Variants in TPRG1L observed in about 807,000 individuals in gnomAD.
TPRG1L encodes the protein tumor protein p63-regulated gene 1-like protein.
Under a neutral mutation model 29.4 loss-of-function variants are expected in TPRG1L, and 25 were observed. That is an observed-to-expected ratio of 0.85 (90% CI 0.62 to 1.19). TPRG1L has a LOEUF of 1.19. Among genes scored for constraint, TPRG1L ranks in the 50% most tolerant of loss-of-function variants. TPRG1L has a pLI of 0.00. For missense variants in TPRG1L, 354 were observed against 364.4 expected (o/e 0.97, Z 0.23); for synonymous variants, 182 against 151.1 (o/e 1.20, Z -1.50).
intron 4 of TPRG1L, 31 bp downstream of exon 4, chr1:3,627,684 C>G (rs370492915): frequency 1.2e-6 from 2 of 1,610,862 alleles, no homozygotes; most frequent in South Asian, 2.2e-5. Flanking sequence ...ATAGCCGCGC[C>G]CCCCGCAGTG....
In TPRG1L at chr1:3,627,614, G is replaced by A. The variant is rs752528342; in HGVS notation, c.585G>A (p.Pro195=). 28 of 1,613,902 alleles carry A rather than the reference G, an allele frequency of 1.7e-5. 1 individual carries two copies. The highest frequency in any genetic ancestry group is 1.3e-4 in the South Asian group (12 of 91,092). Residue 195 remains proline (P), a synonymous_variant, in exon 4 of 5, where the codon CCG becomes CCA. Coordinates refer to ENST00000378344, the MANE Select transcript of TPRG1L (RefSeq NM_182752.4). ...CCTATGCCACTTTCACAGAACACCC[G>A]ATGGCTGGCGCAGATGAGAAGACAG... ...NVPYATFTEH[P]MAGADEKTAS...
At position 3,629,569 on chromosome 1, in the gene TPRG1L, A is replaced by C. The variant is rs1268551995; in HGVS notation, c.*966A>C. On this transcript the variant is annotated 3_prime_UTR_variant, in exon 5 of 5. Coordinates refer to ENST00000378344, the MANE Select transcript of TPRG1L (RefSeq NM_182752.4). ...GGTGAAACCCGTCTCTACCAAACAG[A>C]CAAAAAGCAGCCAGGCGTGGTGGCA... is the stretch of plus-strand genomic sequence containing the variant. 6.6e-6 allele frequency: 1 copy of C among 152,198 alleles called. No individual in the cohort carries two copies. The highest frequency in any genetic ancestry group is 1.5e-5 in the Non-Finnish European group (1 of 68,054). 9.4% of individuals were successfully genotyped at this position (152,198 alleles called of 1,614,324 possible). A position where few individuals can be genotyped will look rare whatever the true frequency, so the allele number is the denominator to read the frequency against.
Position 3,627,492 on chromosome 1 carries a change from C to T in TPRG1L, c.471-8C>T. On this transcript the variant is annotated splice_polypyrimidine_tract_variant and splice_region_variant and intron_variant, in intron 3 of 4. Transcript: ENST00000378344. The stretch of plus-strand genomic sequence containing the variant: ...TGCTAAGTCTGGCTATTTCTTCTGA[C>T]TTTTCAGGCGAGAAGGTTTTGGGAT... The T allele has an allele frequency of 1.9e-6, 3 of 1,613,764 alleles. No individual in the cohort carries two copies. The highest frequency in any genetic ancestry group is 2.2e-5 in the East Asian group (1 of 44,880).
intron 2 of TPRG1L, 90 bp from the exon 3 acceptor site, chr1:3,625,623 C>T: frequency 3.8e-6 from 6 of 1,561,788 alleles, no homozygotes; most frequent in Admixed American, 1.8e-5. Context: ...GCGCCCCGTG[C>T]CGCCCCTGCT....
intron 3 of TPRG1L, among the ~76,000 whole-genome samples, chr1:3,627,293 A>G (rs1644497006): frequency 6.6e-6 from 1 of 152,036 alleles, no homozygotes; most frequent in Non-Finnish European, 1.5e-5. Context: ...CTGGGCAACA[A>G]GAGCAAAACT....
intron 3 of TPRG1L, among the ~76,000 whole-genome samples, chr1:3,626,454 G>A (rs1029867271): frequency 6.6e-6 from 1 of 152,172 alleles, no homozygotes; most frequent in African/African-American, 2.4e-5. Flanking sequence ...TTGATGGAGA[G>A]ATTTGGATGG....
At chr1:3,627,685 C>T in intron 4 of TPRG1L, 32 bp downstream of exon 4, 2 of 1,610,646 alleles carry the variant, frequency 1.2e-6, no homozygotes, top group Non-Finnish European at 1.7e-6. Flanking sequence ...TAGCCGCGCC[C>T]CCCGCAGTGA....
intron 4 of TPRG1L, among the ~76,000 whole-genome samples, chr1:3,628,081 G>T (rs1187840046): frequency 6.6e-6 from 1 of 152,248 alleles, no homozygotes; most frequent in Admixed American, 6.5e-5. Flanking sequence ...CACTTCCCCA[G>T]CTGTGTGCCT....
chr1:3,627,387 G>C lies in TPRG1L; in HGVS notation c.471-113G>C. The C allele has an allele frequency of 3.3e-6, 4 of 1,214,596 alleles. No homozygotes were observed. In the South Asian group the frequency reaches 5.6e-5, roughly 17 times the overall value. 75.2% of individuals were successfully genotyped at this position (1,214,596 alleles called of 1,614,324 possible). A position where few individuals can be genotyped will look rare whatever the true frequency, so the allele number is the denominator to read the frequency against. ...TTGTGATATGTCATAGGTCTTTTCT[G>C]TAAACGTGTGCTTTTTGCTGTCATA... On this transcript the variant is annotated intron_variant, in intron 3 of 4. Coordinates refer to ENST00000378344, the MANE Select transcript of TPRG1L (RefSeq NM_182752.4).
chr1:3,625,386 G>A (rs951139091), intron 1 of TPRG1L, 38 bp from the exon 2 acceptor site: 6 of 1,554,042 alleles, frequency 3.9e-6, no homozygotes, highest in East Asian at 2.4e-5. Context: ...TGTGACCTGT[G>A]ATCTTTGCCC....
At chr1:3,625,654 C>A in intron 2 of TPRG1L, 59 bp from the exon 3 acceptor site, 1 of 1,580,192 alleles carries the variant, frequency 6.3e-7, no homozygotes, top group South Asian at 1.2e-5. Context: ...GCGGGCTGGC[C>A]TTGGCTAAGT....
At chr1:3,627,073 G>A (rs1644494904) in intron 3 of TPRG1L, among the ~76,000 whole-genome samples, 1 of 152,178 alleles carries the variant, frequency 6.6e-6, no homozygotes, top group African/African-American at 2.4e-5. Context: ...CACCTTGGGA[G>A]GCTGAGGCGG....
Position 3,625,316 on chromosome 1 carries a change from G to T in TPRG1L, c.201+43G>T, listed in dbSNP as rs535430198. Reference sequence around the variant, plus strand: ...GCCGGGGCGGGGGCCGAGGGCGCGGGGCGGGATGGGGGCGGGTGGGGTCGG... The same window carrying T: ...GCCGGGGCGGGGGCCGAGGGCGCGGTGCGGGATGGGGGCGGGTGGGGTCGG... On this transcript the variant is annotated intron_variant, in intron 1 of 4. Transcript: ENST00000378344. 9.0e-4 allele frequency: 1,326 copies of T among 1,472,782 alleles called. 19 individuals carry two copies. The South Asian group carries it at 0.017, about 19-fold the overall frequency. 91.2% of individuals were successfully genotyped at this position (1,472,782 alleles called of 1,614,324 possible).
intron 3 of TPRG1L, among the ~76,000 whole-genome samples, chr1:3,627,141 T>C (rs1355768297): frequency 6.6e-6 from 1 of 151,858 alleles, no homozygotes; most frequent in Non-Finnish European, 1.5e-5. Context: ...ATAAACCCTG[T>C]CTCTACTAAA....
At chr1:3,626,064 G>T (rs189538197) in intron 3 of TPRG1L, among the ~76,000 whole-genome samples, 175 bp downstream of exon 3, 1 of 152,312 alleles carries the variant, frequency 6.6e-6, no homozygotes, top group East Asian at 1.9e-4. Flanking sequence ...CGACTTCTGG[G>T]CAATTGAGTG....
intron 3 of TPRG1L, among the ~76,000 whole-genome samples, chr1:3,627,202 C>G (rs1644495734): frequency 6.6e-6 from 1 of 152,006 alleles, no homozygotes; most frequent in Non-Finnish European, 1.5e-5. Context: ...CCCAGCTACT[C>G]CGGAGGCTGA....
At position 3,628,870 on chromosome 1, in the gene TPRG1L, T is replaced by C. The variant is rs553551248; in HGVS notation, c.*267T>C. 1 of 337,346 alleles carries C rather than the reference T, an allele frequency of 3.0e-6. No homozygotes were observed. The highest frequency in any genetic ancestry group is 2.1e-5 in the African/African-American group (1 of 48,052). The allele number at this position is 337,346 out of a possible 1,614,324, so 20.9% of individuals were successfully genotyped here. A position where few individuals can be genotyped will look rare whatever the true frequency, so the allele number is the denominator to read the frequency against. On this transcript the variant is annotated 3_prime_UTR_variant, in exon 5 of 5. Transcript: ENST00000378344. The stretch of plus-strand genomic sequence containing the variant: ...ACTCTCGCTGTCCCTGTGCTGCTGG[T>C]ATTTCATTCTCTGTAACTTCAGTTC...
chr1:3,627,022 A>G (rs1644494665), intron 3 of TPRG1L, among the ~76,000 whole-genome samples: 1 of 152,210 alleles, frequency 6.6e-6, no homozygotes, highest in African/African-American at 2.4e-5. Flanking sequence ...ACTAAAAACC[A>G]CAGGCCGGCC....
In TPRG1L at chr1:3,628,649, C is replaced by A. The variant is rs930503374; in HGVS notation, c.*46C>A. 2 of 1,043,592 alleles carry A rather than the reference C, an allele frequency of 1.9e-6. No homozygotes were observed. Among genetic ancestry groups the A allele is most frequent in the Non-Finnish European group, 2.6e-6 (2 of 757,182 alleles). The allele number at this position is 1,043,592 out of a possible 1,614,324, so 64.6% of individuals were successfully genotyped here. ...CTCCCCCTTCTGGGAGCTCCTCCCC[C>A]TCCCCAGAAGGCCAAGGGATGTGGG... On this transcript the variant is annotated 3_prime_UTR_variant, in exon 5 of 5. Transcript: ENST00000378344.
Sources: allele counts gnomAD v4.1 joint callset (sites outside exome capture counted in the v4.1 genomes callset), GRCh38; gene constraint gnomAD v4.1.1; transcripts MANE v1.5; gene names NCBI Gene and HGNC (gene_info 2026-07-23, HGNC 2026-07-21).